PIK3CA: variants seen among roughly 807,000 people sequenced by gnomAD.
The protein encoded by PIK3CA is phosphatidylinositol 4,5-bisphosphate 3-kinase catalytic subunit alpha isoform.
A neutral mutation model predicts 138.2 loss-of-function variants in PIK3CA; 27 were observed. The ratio of observed to expected loss-of-function variants is 0.20; its 90% CI spans 0.14 to 0.27. PIK3CA has a LOEUF of 0.27. PIK3CA is among the 10% of genes least tolerant of loss of function. The pLI is 1.00. For missense variants in PIK3CA, 544 were observed against 1,277.4 expected, an observed-to-expected ratio of 0.43 and a Z score of 8.75; for synonymous variants, 358 against 413.2, an observed-to-expected ratio of 0.87 and a Z score of 1.62.
chr3:179,201,346 T>C lies in PIK3CA; in HGVS notation c.619T>C (p.Tyr207His). Residue 207 changes from tyrosine (Y) to histidine (H), a missense_variant, in exon 4 of 21, where the codon TAT (tyrosine) becomes CAT (histidine). By Grantham distance (83) the Tyr-to-His change is moderately conservative. Around this residue, in one of 14 missense-constraint regions of PIK3CA, gnomAD observed 234 missense variants for 401.3 expected, o/e 0.58. Coordinates refer to ENST00000263967, the MANE Select transcript of PIK3CA (RefSeq NM_006218.4). ...TTCTCCAAATAATGACAAGCAGAAG[T>C]ATACTCTGAAAATCAACCATGACTG... Reference protein sequence around the residue: ...IVSPNNDKQKYTLKINHDCVP... With the variant: ...IVSPNNDKQKHTLKINHDCVP... 6.2e-7 allele frequency: 1 copy of C among 1,613,186 alleles called. No homozygotes were observed. The highest frequency in any genetic ancestry group is 8.5e-7 in the Non-Finnish European group (1 of 1,179,314).
In PIK3CA at chr3:179,199,587, T is replaced by C. The variant is rs562707661; in HGVS notation, c.353-103T>C. The C allele has an allele frequency of 6.2e-6, 5 of 803,158 alleles. No homozygotes were observed. The East Asian group carries it at 1.1e-4, about 17-fold the overall frequency. The allele number at this position is 803,158 out of a possible 1,614,324, so 49.8% of individuals were successfully genotyped here. A position where few individuals can be genotyped will look rare whatever the true frequency, so the allele number is the denominator to read the frequency against. On this transcript the variant is annotated intron_variant, in intron 2 of 20. Coordinates refer to ENST00000263967, the MANE Select transcript of PIK3CA (RefSeq NM_006218.4). ...TAACCTAGCGGTACTTTTTTTACTT[T>C]ATTGTGATCTTCCAAATCTACAGAG...
At chr3:179,222,552 C>T (rs1236417901) in intron 14 of PIK3CA, among the ~76,000 whole-genome samples, 1 of 152,068 alleles carries the variant, frequency 6.6e-6, no homozygotes, top group Non-Finnish European at 1.5e-5. Flanking sequence ...ATCGTACAGG[C>T]AAAAATGGGC....
At chr3:179,228,668 T>C (rs1324995304) in intron 17 of PIK3CA, among the ~76,000 whole-genome samples, 1 of 152,116 alleles carries the variant, frequency 6.6e-6, no homozygotes, top group Non-Finnish European at 1.5e-5. Context: ...TTAAAAATTT[T>C]TTTAAATGTG....
At position 179,178,119 on chromosome 3, in the gene PIK3CA, GTTT is replaced by G. The variant is rs79518577; in HGVS notation, c.-76-20620_-76-20618del. ...AAAAAGTGTTTGGGTTTTTTTTTGT[GTTT>G]TTTTTTTTTTGAAGTTAGCTAGGCA... On this transcript the variant is annotated intron_variant, in intron 1 of 20. Coordinates refer to ENST00000263967, the MANE Select transcript of PIK3CA (RefSeq NM_006218.4). 3.1e-5 allele frequency among the ~76,000 whole-genome samples: 4 copies of G among 128,862 alleles called. 1 individual carries two copies. The highest frequency in any genetic ancestry group is 7.6e-3 in the Middle Eastern group (2 of 264). 84.5% of individuals were successfully genotyped at this position (128,862 alleles called of 152,430 possible).
intron 1 of PIK3CA, among the ~76,000 whole-genome samples, chr3:179,185,367 T>C (rs904429597): frequency 6.6e-6 from 1 of 152,222 alleles, no homozygotes; most frequent in African/African-American, 2.4e-5. Context: ...AAACCATTTT[T>C]CCTCTGCTCT....
intron 4 of PIK3CA, among the ~76,000 whole-genome samples, chr3:179,201,898 G>A (rs868613596): frequency 2.1e-4 from 32 of 152,154 alleles, no homozygotes; most frequent in Middle Eastern, 6.8e-3. Context: ...GAGCCACCAC[G>A]CCCAGCCAAG....
At chr3:179,193,132 G>T (rs1390993336) in intron 1 of PIK3CA, among the ~76,000 whole-genome samples, 1 of 152,188 alleles carries the variant, frequency 6.6e-6, no homozygotes, top group African/African-American at 2.4e-5. Context: ...ATACCAACAA[G>T]TTAACACAGG....
chr3:179,153,747 CTTTAAG>C (rs1723066732), intron 1 of PIK3CA, among the ~76,000 whole-genome samples: 1 of 152,140 alleles, frequency 6.6e-6, no homozygotes, highest in African/African-American at 2.4e-5. Context: ...CTGAGTTTTC[CTTTAAG>C]TTTATGTGAA....
chr3:179,206,494 A>G (rs576101706), intron 6 of PIK3CA, among the ~76,000 whole-genome samples: 8 of 152,342 alleles, frequency 5.3e-5, no homozygotes, highest in Non-Finnish European at 1.2e-4. Flanking sequence ...AATTTTTCCA[A>G]ATTTGGTAAA....
intron 1 of PIK3CA, among the ~76,000 whole-genome samples, chr3:179,156,703 A>G (rs1451826508): frequency 6.6e-6 from 1 of 152,216 alleles, no homozygotes; most frequent in Non-Finnish European, 1.5e-5. Flanking sequence ...TTTTTTAACC[A>G]GCACACTGCT....
chr3:179,190,798 C>T (rs1724115285), intron 1 of PIK3CA, among the ~76,000 whole-genome samples: 2 of 152,218 alleles, frequency 1.3e-5, no homozygotes, highest in South Asian at 4.2e-4. Flanking sequence ...CATAGGGGTC[C>T]TACAAAGTAT....
intron 1 of PIK3CA, among the ~76,000 whole-genome samples, chr3:179,193,642 G>A (rs1408154385): frequency 1.3e-5 from 2 of 152,172 alleles, no homozygotes; most frequent in African/African-American, 4.8e-5. Flanking sequence ...TTGTGCACAC[G>A]CACACACACT....
chr3:179,148,265 GA>G (rs11367220), upstream of PIK3CA: 12,670 of 141,792 alleles, frequency 0.089, 586 homozygotes, highest in African/African-American at 0.11. Context: ...GAAACAAAAG[GA>G]AAAAAAAACA....
intron 1 of PIK3CA, among the ~76,000 whole-genome samples, chr3:179,156,914 A>G (rs146834957): frequency 6.6e-6 from 1 of 152,240 alleles, no homozygotes; most frequent in Non-Finnish European, 1.5e-5. Context: ...CAGTGACTGA[A>G]CTGTATTTTT....
chr3:179,159,771 C>G (rs141759534), intron 1 of PIK3CA, among the ~76,000 whole-genome samples: 1 of 152,168 alleles, frequency 6.6e-6, no homozygotes. Context: ...CAGAGTGTAC[C>G]GACACAAACT....
intron 1 of PIK3CA, among the ~76,000 whole-genome samples, chr3:179,173,344 G>A (rs1723608851): frequency 6.8e-6 from 1 of 146,364 alleles, no homozygotes; most frequent in Non-Finnish European, 1.5e-5. Context: ...TGATCACGAG[G>A]TCAGGAGATC....
chr3:179,183,978 A>G (rs980384912), intron 1 of PIK3CA, among the ~76,000 whole-genome samples: 8 of 151,924 alleles, frequency 5.3e-5, no homozygotes, highest in African/African-American at 1.9e-4. Flanking sequence ...AACTAAAAGC[A>G]AGGTCCTTCT....
chr3:179,218,355 T>G (rs1418650455), intron 10 of PIK3CA, 21 bp downstream of exon 10: 3 of 1,583,258 alleles, frequency 1.9e-6, no homozygotes, highest in Non-Finnish European at 2.6e-6. Flanking sequence ...AAATGGAGAT[T>G]CTCTGTTTCT....
At chr3:179,208,410 C>T (rs1458019251) in intron 6 of PIK3CA, among the ~76,000 whole-genome samples, 1 of 152,096 alleles carries the variant, frequency 6.6e-6, no homozygotes, top group Admixed American at 6.6e-5. Flanking sequence ...AATTCCTTTG[C>T]TTGTGTTATC....
Sources: gnomAD v4.1 joint callset for allele counts (sites outside exome capture counted in the v4.1 genomes callset) on GRCh38, gnomAD v4.1.1 for gene constraint, gnomAD v4.1.1 regional missense constraint, MANE v1.5 for transcripts, NCBI Gene and HGNC (gene_info 2026-07-23, HGNC 2026-07-21) for gene names.